The following ITGA6 variants were observed in gnomAD, a reference collection of about 807,000 sequenced individuals.
The protein encoded by ITGA6 is integrin alpha-6.
ITGA6 carries 63 observed loss-of-function variants against 133.6 expected under a neutral mutation model. That is an observed-to-expected ratio of 0.47 (90% CI 0.38 to 0.58). The LOEUF is 0.58. Ranked by LOEUF, ITGA6 falls within the 20% of genes least tolerant of loss-of-function variation. The pLI is 0.00. For missense variants in ITGA6, 1,068 were observed against 1,309.4 expected, an observed-to-expected ratio of 0.82 and a Z score of 2.85; for synonymous variants, 434 against 482.0, an observed-to-expected ratio of 0.90 and a Z score of 1.30.
At position 172,491,367 on chromosome 2, in the gene ITGA6, A is replaced by G. The variant is rs1183718533; in HGVS notation, c.2889+36A>G. On this transcript the variant is annotated intron_variant, in intron 22 of 25. Transcript: ENST00000684293. This position sits in a 1 kb window ranked among gnomAD's most constrained non-coding sequence, Gnocchi z 4.4. ...GGCTTGAGGCTGTCCCATGGAAGTA[A>G]TTTGCCTTTGCCTAGGACACTTTTC... 6.3e-7 allele frequency: 1 copy of G among 1,575,284 alleles called. No homozygotes were observed. The highest frequency in any genetic ancestry group is 8.7e-7 in the Non-Finnish European group (1 of 1,144,748).
chr2:172,496,252 A>G (rs1019173085), intron 23 of ITGA6, among the ~76,000 whole-genome samples: 1 of 152,166 alleles, frequency 6.6e-6, no homozygotes, highest in Non-Finnish European at 1.5e-5. Flanking sequence ...AGGAGAGGGG[A>G]AGTGAGCCAC....
chr2:172,493,638 C>G lies in ITGA6; in HGVS notation c.2988+2115C>G, dbSNP rs1295189948. On this transcript the variant is annotated intron_variant, in intron 23 of 25. Coordinates refer to ENST00000684293, the MANE Select transcript of ITGA6 (RefSeq NM_000210.4). Reference sequence around the variant, plus strand: ...ACCCTCAATTGAAACCTGTAATTGTCTGACTTCAGGGCTTCTGTTCTTTGA... The same window carrying G: ...ACCCTCAATTGAAACCTGTAATTGTGTGACTTCAGGGCTTCTGTTCTTTGA... Among the ~76,000 whole-genome samples, 6 of 152,208 alleles carry G rather than the reference C, an allele frequency of 3.9e-5. No homozygotes were observed. The South Asian group carries it at 6.2e-4, about 16-fold the overall frequency.
intron 23 of ITGA6, among the ~76,000 whole-genome samples, chr2:172,495,209 G>A (rs950592677): frequency 1.3e-5 from 2 of 152,226 alleles, no homozygotes; most frequent in African/African-American, 4.8e-5. Context: ...ACTGGTAATC[G>A]AATTTAATGC....
chr2:172,485,000 G>C, intron 12 of ITGA6, 58 bp downstream of exon 12: 1 of 1,595,702 alleles, frequency 6.3e-7, no homozygotes, highest in Non-Finnish European at 8.6e-7. Flanking sequence ...AGGTTATATG[G>C]TGATATACAG....
At chr2:172,463,938 C>T (rs1042173072) in intron 1 of ITGA6, among the ~76,000 whole-genome samples, 5 of 152,198 alleles carry the variant, frequency 3.3e-5, no homozygotes, top group African/African-American at 9.7e-5. Flanking sequence ...CTTGTGGCCC[C>T]GGCCTTGCCT....
Position 172,504,429 on chromosome 2 carries a change from T to C in ITGA6, c.*361T>C. 2.2e-6 allele frequency: 1 copy of C among 453,448 alleles called. No individual in the cohort carries two copies. Among genetic ancestry groups the C allele is most frequent in the Non-Finnish European group, 3.9e-6 (1 of 254,088 alleles). The allele number at this position is 453,448 out of a possible 1,614,324, so 28.1% of individuals were successfully genotyped here. Reference sequence around the variant, plus strand: ...GTTACGTAGCCTAAGGCTCCTGTTTTGCACAGCCAAATTTAAAACTGTTGG... The same window carrying C: ...GTTACGTAGCCTAAGGCTCCTGTTTCGCACAGCCAAATTTAAAACTGTTGG... On this transcript the variant is annotated 3_prime_UTR_variant, in exon 26 of 26. Coordinates refer to ENST00000684293, the MANE Select transcript of ITGA6 (RefSeq NM_000210.4).
At chr2:172,457,295 CAAAAAAAAA>C (rs71403305) in intron 1 of ITGA6, among the ~76,000 whole-genome samples, 3 of 79,352 alleles carry the variant, frequency 3.8e-5, no homozygotes, top group Non-Finnish European at 7.3e-5. Context: ...ATTCTGTCTC[CAAAAAAAAA>C]AAAAAAAAAA....
Position 172,465,538 on chromosome 2 carries a change from G to C in ITGA6, c.183-1G>C, listed in dbSNP as rs1416548792. ...CCAAATTGTCTCTGTTTCATCAACA[G>C]GTTGCTCGTGGGGGCCCCGCGGGCA... On this transcript the variant is annotated splice_acceptor_variant, in intron 1 of 25. Transcript: ENST00000684293. LOFTEE classifies it high-confidence loss of function. The C allele has an allele frequency of 6.2e-7, 1 of 1,614,078 alleles. No homozygotes were observed. The highest frequency in any genetic ancestry group is 8.5e-7 in the Non-Finnish European group (1 of 1,180,034).
chr2:172,497,713 T>A (rs932506041), intron 23 of ITGA6, among the ~76,000 whole-genome samples: 2 of 152,216 alleles, frequency 1.3e-5, no homozygotes, highest in African/African-American at 4.8e-5. Flanking sequence ...TAACAAATTT[T>A]TTTTAAGATA....
intron 1 of ITGA6, among the ~76,000 whole-genome samples, chr2:172,454,782 T>C (rs1685147390): frequency 6.6e-6 from 1 of 152,144 alleles, no homozygotes; most frequent in Admixed American, 6.5e-5. Context: ...ATTATCCAAA[T>C]GGGCCCAGTG....
chr2:172,443,606 T>C (rs1417535148), intron 1 of ITGA6, among the ~76,000 whole-genome samples: 2 of 152,204 alleles, frequency 1.3e-5, no homozygotes, highest in African/African-American at 4.8e-5. Context: ...TCCAGCCTTA[T>C]GCCCAAGCTG....
intron 1 of ITGA6, among the ~76,000 whole-genome samples, chr2:172,445,534 A>G (rs1400535523): frequency 6.6e-6 from 1 of 151,308 alleles, no homozygotes; most frequent in East Asian, 2.0e-4. Flanking sequence ...CTGTAGTCCC[A>G]GCTACTCGGG....
chr2:172,501,810 TGC>T lies in ITGA6; in HGVS notation c.3154_3155del (p.Ala1052HisfsTer6). On this transcript the variant is annotated frameshift_variant, in exon 25 of 26. Coordinates refer to ENST00000684293, the MANE Select transcript of ITGA6 (RefSeq NM_000210.4). LOFTEE classifies it high-confidence loss of function. The part of the protein sequence containing the change: ...FKRNKKDHYD[A>X]TYHKAEIHAQ... Reference sequence around the variant, plus strand: ...AGAGAAATAAGAAAGATCATTATGATGCCACATATCACAAGGCTGAGATCCAT... The same window carrying T: ...AGAGAAATAAGAAAGATCATTATGATCACATATCACAAGGCTGAGATCCAT... 1 of 1,612,624 alleles carries T rather than the reference TGC, an allele frequency of 6.2e-7. No homozygotes were observed. The highest frequency in any genetic ancestry group is 2.2e-5 in the East Asian group (1 of 44,868).
At chr2:172,500,210 T>C (rs1687292080) in intron 24 of ITGA6, among the ~76,000 whole-genome samples, 1 of 151,886 alleles carries the variant, frequency 6.6e-6, no homozygotes, top group Non-Finnish European at 1.5e-5. Context: ...ATTTTAAATA[T>C]CAGGATTCTG....
intron 1 of ITGA6, among the ~76,000 whole-genome samples, chr2:172,435,714 C>T (rs924261800): frequency 1.4e-5 from 2 of 147,290 alleles, no homozygotes; most frequent in Non-Finnish European, 3.0e-5. Context: ...GCAGCCTTGA[C>T]CTCCTTGGGC....
chr2:172,489,667 G>A lies in ITGA6; in HGVS notation c.2679+9G>A. Reference sequence around the variant, plus strand: ...ACTCCCTGAACCTAACGGTATGTCGGTAGATTTATCTAATGTCTCCATAAA... The same window carrying A: ...ACTCCCTGAACCTAACGGTATGTCGATAGATTTATCTAATGTCTCCATAAA... On this transcript the variant is annotated intron_variant, in intron 20 of 25. Transcript: ENST00000684293. 1 of 1,610,452 alleles carries A rather than the reference G, an allele frequency of 6.2e-7. No individual in the cohort carries two copies. The highest frequency in any genetic ancestry group is 8.5e-7 in the Non-Finnish European group (1 of 1,176,818).
intron 1 of ITGA6, among the ~76,000 whole-genome samples, chr2:172,446,202 T>C (rs1161332175): frequency 6.6e-6 from 1 of 152,252 alleles, no homozygotes; most frequent in Admixed American, 6.5e-5. Flanking sequence ...CCTAAACTAT[T>C]GGAGTAGTAA....
At chr2:172,502,466 G>T (rs562684731) in intron 25 of ITGA6, among the ~76,000 whole-genome samples, 2 of 152,140 alleles carry the variant, frequency 1.3e-5, no homozygotes, top group Non-Finnish European at 2.9e-5. Flanking sequence ...CTCAGGAATC[G>T]TTTTATGCTA....
intron 8 of ITGA6, 67 bp downstream of exon 8, chr2:172,475,752 G>A: frequency 1.1e-6 from 1 of 878,490 alleles, no homozygotes; most frequent in Non-Finnish European, 2.0e-6. Flanking sequence ...AAATATTTAG[G>A]TTTAAGTGAC....
Sources: gnomAD v4.1 joint callset for allele counts (sites outside exome capture counted in the v4.1 genomes callset) on GRCh38, gnomAD v4.1.1 for gene constraint, Gnocchi (gnomAD v3.1) non-coding constraint, MANE v1.5 for transcripts, NCBI Gene and HGNC (gene_info 2026-07-23, HGNC 2026-07-21) for gene names.